ANOS1: variants seen among roughly 807,000 people sequenced by gnomAD.
ANOS1 encodes the protein anosmin 1, also known as anosmin-1.
Under a neutral mutation model 59.0 loss-of-function variants are expected in ANOS1, and 6 were observed. That is an observed-to-expected ratio of 0.10 (90% CI 0.06 to 0.20). The LOEUF (loss-of-function observed/expected upper bound fraction) is 0.20, where lower values mean the gene tolerates loss of function less well. ANOS1 is among the 10% of genes least tolerant of loss of function. ANOS1 has a pLI of 1.00. For missense variants in ANOS1, 433 were observed against 542.3 expected (o/e 0.80, Z 2.00); for synonymous variants, 217 against 223.4 (o/e 0.97, Z 0.25).
chrX:8,668,612 T>G (rs1474791759), intron 2 of ANOS1, among the ~76,000 whole-genome samples: 1 of 106,100 alleles, frequency 9.4e-6, no homozygotes. Context: ...TCACAATTTC[T>G]TTATCCACTC....
At chrX:8,664,742 T>C (rs1932106455) in intron 2 of ANOS1, among the ~76,000 whole-genome samples, 1 of 111,457 alleles carries the variant, frequency 9.0e-6, no homozygotes, top group Non-Finnish European at 1.9e-5. Flanking sequence ...CCACGGTCTC[T>C]GCAGATAGGT....
At chrX:8,679,545 CAAA>C (rs201433193) in intron 2 of ANOS1, among the ~76,000 whole-genome samples, 1 of 89,693 alleles carries the variant, frequency 1.1e-5, no homozygotes, top group African/African-American at 4.1e-5. Context: ...GGATTTCTTG[CAAA>C]AAAAAAAAAA....
intron 3 of ANOS1, among the ~76,000 whole-genome samples, chrX:8,618,421 T>G (rs1484463586): frequency 8.9e-6 from 1 of 111,841 alleles, no homozygotes; most frequent in Non-Finnish European, 1.9e-5. Context: ...ATCCACTGAG[T>G]TCTTACTTAG....
intron 2 of ANOS1, among the ~76,000 whole-genome samples, chrX:8,666,118 GCCAGGAGT>G (rs1932130435): frequency 1.8e-5 from 2 of 111,240 alleles, no homozygotes; most frequent in South Asian, 7.6e-4. Flanking sequence ...ATCGCTTGAG[GCCAGGAGT>G]TCAAGGCTGC....
intron 3 of ANOS1, among the ~76,000 whole-genome samples, chrX:8,619,269 T>G (rs1048190790): frequency 5.4e-5 from 6 of 110,700 alleles, no homozygotes; most frequent in African/African-American, 2.0e-4. Context: ...ATCTCAATTT[T>G]TTTCCTGTTT....
chrX:8,537,512 T>A (rs975737607), intron 10 of ANOS1, among the ~76,000 whole-genome samples: 4 of 111,980 alleles, frequency 3.6e-5, no homozygotes, highest in Non-Finnish European at 3.8e-5. Flanking sequence ...AAAGATGACA[T>A]TTCCTGTGAT....
chrX:8,532,959 A>G lies in ANOS1; in HGVS notation c.*36T>C. The G allele has an allele frequency of 1.1e-6, 1 of 913,530 alleles. No individual in the cohort carries two copies. Among genetic ancestry groups the G allele is most frequent in the South Asian group, 2.0e-5 (1 of 50,422 alleles). The allele number at this position is 913,530 out of a possible 1,213,427, so 75.3% of individuals were successfully genotyped here. ...CGTGGCCGAAGTTCAACAAGCTTAC[A>G]CATCTGTGCAATTTCACAAAATCTT... On this transcript the variant is annotated 3_prime_UTR_variant, in exon 14 of 14. Transcript: ENST00000262648.
intron 1 of ANOS1, among the ~76,000 whole-genome samples, chrX:8,725,697 GATATATATATACAGAT>G (rs1285267939): frequency 3.7e-5 from 1 of 27,040 alleles, no homozygotes; most frequent in Admixed American, 4.0e-4. Flanking sequence ...TATATATACA[GATATATATATACAGAT>G]ATATATATAT....
intron 6 of ANOS1, among the ~76,000 whole-genome samples, chrX:8,575,220 T>C (rs1314519445): frequency 8.9e-6 from 1 of 112,376 alleles, no homozygotes; most frequent in East Asian, 2.8e-4. Context: ...AAGCAACACC[T>C]CTTCCTCTGG....
intron 1 of ANOS1, among the ~76,000 whole-genome samples, chrX:8,712,455 C>G (rs370099437): frequency 8.9e-6 from 1 of 112,360 alleles, no homozygotes; most frequent in Non-Finnish European, 1.9e-5. Context: ...AATCCGGAAG[C>G]GACTAAAATA....
chrX:8,723,562 A>G (rs1256454738), intron 1 of ANOS1, among the ~76,000 whole-genome samples: 3 of 112,496 alleles, frequency 2.7e-5, no homozygotes. Context: ...TTACATGAAA[A>G]CAATCTACAA....
intron 9 of ANOS1, among the ~76,000 whole-genome samples, chrX:8,545,925 T>C (rs990132295): frequency 8.9e-6 from 1 of 112,494 alleles, no homozygotes; most frequent in Non-Finnish European, 1.9e-5. Flanking sequence ...GTGTCCACAA[T>C]TGGAAATAAA....
At chrX:8,599,735 C>T (rs1383493617) in intron 3 of ANOS1, among the ~76,000 whole-genome samples, 1 of 111,895 alleles carries the variant, frequency 8.9e-6, no homozygotes, top group African/African-American at 3.3e-5. Context: ...ACCCTTTAGT[C>T]AGATAGGTGT....
At chrX:8,598,861 T>C (rs1486060726) in intron 3 of ANOS1, among the ~76,000 whole-genome samples, 1 of 112,333 alleles carries the variant, frequency 8.9e-6, no homozygotes, top group Non-Finnish European at 1.9e-5. Context: ...TTTCACTGTC[T>C]CTTTTACCTG....
chrX:8,706,587 C>T (rs1390462227), intron 1 of ANOS1, among the ~76,000 whole-genome samples: 5 of 112,049 alleles, frequency 4.5e-5, no homozygotes, highest in Non-Finnish European at 7.5e-5. Flanking sequence ...CATCCCTTGT[C>T]ACAAATGTCC....
rs1929467395 is a variant in ANOS1 at position 8,529,765 on chromosome X, T to A, written c.*3230A>T. 9.0e-6 allele frequency: 1 copy of A among 111,508 alleles called. No individual in the cohort carries two copies. The allele number at this position is 111,508 out of a possible 1,213,427, so 9.2% of individuals were successfully genotyped here. ...CAATGGTTCTCAACCAGAGGTACCA[T>A]CCCTCAAGGGGTAGCTGGCAATATC... On this transcript the variant is annotated 3_prime_UTR_variant, in exon 14 of 14. Coordinates refer to ENST00000262648, the MANE Select transcript of ANOS1 (RefSeq NM_000216.4).
intron 8 of ANOS1, among the ~76,000 whole-genome samples, chrX:8,562,109 T>G (rs1029186091): frequency 9.1e-6 from 1 of 109,408 alleles, no homozygotes; most frequent in Non-Finnish European, 1.9e-5. Flanking sequence ...GCCGGCTAAT[T>G]TTTGTATTTT....
intron 1 of ANOS1, among the ~76,000 whole-genome samples, chrX:8,725,970 GC>G (rs1932916919): frequency 1.8e-5 from 2 of 110,186 alleles, no homozygotes; most frequent in Admixed American, 9.9e-5. Flanking sequence ...CAGCCAGAGA[GC>G]CAATAACTCA....
chrX:8,635,992 A>G (rs772454909), intron 2 of ANOS1, among the ~76,000 whole-genome samples: 1 of 111,192 alleles, frequency 9.0e-6, no homozygotes, highest in Non-Finnish European at 1.9e-5. Context: ...AAGAACTTAA[A>G]CAGCCAGGCC....
Sources: gnomAD v4.1 joint callset for allele counts (sites outside exome capture counted in the v4.1 genomes callset) on GRCh38, gnomAD v4.1.1 for gene constraint, MANE v1.5 for transcripts, NCBI Gene and HGNC (gene_info 2026-07-23, HGNC 2026-07-21) for gene names.